UNC5D: variants seen among roughly 807,000 people sequenced by gnomAD.
The protein encoded by UNC5D is netrin receptor UNC5D.
A neutral mutation model predicts 105.4 loss-of-function variants in UNC5D; 39 were observed. That is an observed-to-expected ratio of 0.37 (90% CI 0.29 to 0.48). The LOEUF is 0.48. UNC5D is among the 20% of genes least tolerant of loss of function. The pLI, the probability that UNC5D is intolerant of heterozygous loss-of-function variation, is 0.98. For missense variants in UNC5D, 991 were observed against 1,202.4 expected (o/e 0.82, Z 2.60); for synonymous variants, 452 against 450.4 (o/e 1.00, Z -0.04).
At chr8:35,249,284 G>C (rs188965457) in intron 1 of UNC5D, among the ~76,000 whole-genome samples, 1 of 149,780 alleles carries the variant, frequency 6.7e-6, no homozygotes, top group East Asian at 2.0e-4. Context: ...GTGGCCAGGC[G>C]TGGTGGCTCA....
chr8:35,357,114 C>A (rs1801600361), intron 1 of UNC5D, among the ~76,000 whole-genome samples: 1 of 152,128 alleles, frequency 6.6e-6, no homozygotes, highest in Admixed American at 6.6e-5. Flanking sequence ...TCTACAGTCT[C>A]TTAATTGATT....
chr8:35,480,725 A>T (rs917695434), intron 1 of UNC5D, among the ~76,000 whole-genome samples: 3 of 152,220 alleles, frequency 2.0e-5, no homozygotes, highest in African/African-American at 7.2e-5. Flanking sequence ...TAAGCAAATT[A>T]TAGAGATGAT....
At chr8:35,762,813 G>T (rs567833443) in intron 14 of UNC5D, among the ~76,000 whole-genome samples, 2 of 152,248 alleles carry the variant, frequency 1.3e-5, no homozygotes, top group South Asian at 2.1e-4. Context: ...AAGTCAAGTT[G>T]TCACCTCCCT....
chr8:35,413,288 TG>T (rs1563393624), intron 1 of UNC5D, among the ~76,000 whole-genome samples: 588 of 14,482 alleles, frequency 0.041, 5 homozygotes, highest in South Asian at 0.16. Context: ...TGTGTGTGTG[TG>T]TGTTGTGTGT....
At chr8:35,610,736 G>T (rs1468491299) in intron 4 of UNC5D, among the ~76,000 whole-genome samples, 2 of 152,114 alleles carry the variant, frequency 1.3e-5, no homozygotes, top group Admixed American at 1.3e-4. Context: ...AGATCACATT[G>T]TCAAAACAGG....
Position 35,334,041 on chromosome 8 carries a change from T to C in UNC5D, c.103+98154T>C, listed in dbSNP as rs1474242208. On this transcript the variant is annotated intron_variant, in intron 1 of 16. Coordinates refer to ENST00000404895, the MANE Select transcript of UNC5D (RefSeq NM_080872.4). The stretch of plus-strand genomic sequence containing the variant: ...TAGGAAATGTGGCAGAAAACCTCCT[T>C]CCACACAGAACCTTTTTGATAGTTT... Among the ~76,000 whole-genome samples, 5 of 152,172 alleles carry C rather than the reference T, an allele frequency of 3.3e-5. No homozygotes were observed. In the East Asian group the frequency reaches 9.6e-4, roughly 29 times the overall value.
chr8:35,627,608 C>T (rs1821764872), intron 4 of UNC5D, among the ~76,000 whole-genome samples: 4 of 152,262 alleles, frequency 2.6e-5, no homozygotes, highest in Admixed American at 2.6e-4. Flanking sequence ...ATGAGCCATT[C>T]CCCAGTTGAC....
chr8:35,615,049 C>G (rs1374025588), intron 4 of UNC5D, among the ~76,000 whole-genome samples: 1 of 116,390 alleles, frequency 8.6e-6, no homozygotes, highest in Non-Finnish European at 1.8e-5. Context: ...CCCCCCCCCC[C>G]GTCCCCCACC....
intron 16 of UNC5D, among the ~76,000 whole-genome samples, chr8:35,786,153 A>T (rs57176697): frequency 0.035 from 5,403 of 152,218 alleles, 320 homozygotes; most frequent in African/African-American, 0.12. Flanking sequence ...ATGTTTTCTC[A>T]CAATAGGATG....
intron 1 of UNC5D, among the ~76,000 whole-genome samples, chr8:35,326,888 A>C (rs571174257): frequency 2.5e-4 from 38 of 152,284 alleles, no homozygotes; most frequent in African/African-American, 8.7e-4. Flanking sequence ...GGGCCTCTGG[A>C]TGTTGGCAAA....
chr8:35,523,062 A>T (rs1813599532), intron 1 of UNC5D, among the ~76,000 whole-genome samples: 1 of 151,176 alleles, frequency 6.6e-6, no homozygotes, highest in South Asian at 2.1e-4. Context: ...TTTTTAAATA[A>T]TTACAGTGGT....
At chr8:35,587,516 AT>A (rs1818867714) in intron 3 of UNC5D, among the ~76,000 whole-genome samples, 1 of 152,212 alleles carries the variant, frequency 6.6e-6, no homozygotes, top group South Asian at 2.1e-4. Flanking sequence ...TTAAGTCACT[AT>A]CTTCCAGCTG....
rs2131832765 is a variant in UNC5D at position 35,795,249 on chromosome 8, A to G, written c.*4686A>G. On this transcript the variant is annotated 3_prime_UTR_variant, in exon 17 of 17. Transcript: ENST00000404895. ...ACTATATTACTAAATTTGGTAAGGT[A>G]GTTCTTTGCATGAATGGGAATGTGT... The G allele has an allele frequency of 3.3e-5, 5 of 152,296 alleles. 1 individual carries two copies. The East Asian group carries it at 9.7e-4, about 29-fold the overall frequency. The allele number at this position is 152,296 out of a possible 1,614,324, so 9.4% of individuals were successfully genotyped here.
At chr8:35,566,217 C>A (rs1242344402) in intron 2 of UNC5D, among the ~76,000 whole-genome samples, 1 of 150,692 alleles carries the variant, frequency 6.6e-6, no homozygotes, top group Non-Finnish European at 1.5e-5. Context: ...TCAAACTGCA[C>A]ATGGTGACTT....
intron 7 of UNC5D, among the ~76,000 whole-genome samples, chr8:35,700,474 TTG>T (rs1158130769): frequency 1.3e-5 from 2 of 152,022 alleles, no homozygotes. Flanking sequence ...AAAAAATACG[TTG>T]TGTTTTAGTG....
intron 1 of UNC5D, among the ~76,000 whole-genome samples, chr8:35,459,729 T>C (rs938692092): frequency 6.6e-6 from 1 of 152,172 alleles, no homozygotes; most frequent in African/African-American, 2.4e-5. Flanking sequence ...GATGGTGGAG[T>C]CAACTTGTAT....
intron 4 of UNC5D, among the ~76,000 whole-genome samples, chr8:35,661,214 G>A (rs1554582333): frequency 6.6e-6 from 1 of 152,080 alleles, no homozygotes; most frequent in Non-Finnish European, 1.5e-5. Context: ...AATGTCTATG[G>A]GATTCATTGA....
At chr8:35,404,371 G>A (rs1291030080) in intron 1 of UNC5D, among the ~76,000 whole-genome samples, 1 of 152,172 alleles carries the variant, frequency 6.6e-6, no homozygotes, top group Non-Finnish European at 1.5e-5. Flanking sequence ...GGAATAGAAG[G>A]AATAGATACT....
At chr8:35,675,073 T>A (rs1442473053) in intron 4 of UNC5D, among the ~76,000 whole-genome samples, 1 of 152,196 alleles carries the variant, frequency 6.6e-6, no homozygotes, top group African/African-American at 2.4e-5. Context: ...TACTCTAATA[T>A]AATTCACAAA....
Sources: allele counts gnomAD v4.1 joint callset (sites outside exome capture counted in the v4.1 genomes callset), GRCh38; gene constraint gnomAD v4.1.1; transcripts MANE v1.5; gene names NCBI Gene and HGNC (gene_info 2026-07-23, HGNC 2026-07-21).